FAT3: variants seen among roughly 807,000 people sequenced by gnomAD.
FAT3 encodes the protein protocadherin Fat 3.
A neutral mutation model predicts 310.2 loss-of-function variants in FAT3; 95 were observed. The ratio of observed to expected loss-of-function variants is 0.31; its 90% CI spans 0.26 to 0.36. FAT3 has a LOEUF of 0.36. Ranked by LOEUF, FAT3 falls within the 10% of genes least tolerant of loss-of-function variation. The pLI, the probability that FAT3 is intolerant of heterozygous loss-of-function variation, is 1.00. For missense variants in FAT3, 5,408 were observed against 5,715.6 expected, an observed-to-expected ratio of 0.95 and a Z score of 1.74; for synonymous variants, 2,314 against 2,192.9, an observed-to-expected ratio of 1.06 and a Z score of -1.54.
At chr11:92,885,323 T>A (rs1222006451) in intron 24 of FAT3, among the ~76,000 whole-genome samples, 1 of 152,078 alleles carries the variant, frequency 6.6e-6, no homozygotes, top group African/African-American at 2.4e-5. Flanking sequence ...AGGAAAAAAC[T>A]CCCTTCAATG....
intron 1 of FAT3, among the ~76,000 whole-genome samples, chr11:92,325,738 T>C (rs1221824861): frequency 1.3e-5 from 2 of 152,276 alleles, no homozygotes; most frequent in East Asian, 1.9e-4. Flanking sequence ...TTCAATTGAT[T>C]CTCCTGCCTC....
intron 3 of FAT3, among the ~76,000 whole-genome samples, chr11:92,601,626 C>G (rs771875935): frequency 2.0e-5 from 3 of 151,788 alleles, no homozygotes; most frequent in Admixed American, 1.3e-4. Context: ...ACAAGGCATG[C>G]GTGTGGTAGG....
At chr11:92,787,306 TA>T (rs377666178) in intron 7 of FAT3, among the ~76,000 whole-genome samples, 23 of 152,266 alleles carry the variant, frequency 1.5e-4, no homozygotes, top group African/African-American at 5.3e-4. Flanking sequence ...GAATAGAGTG[TA>T]GGGGGAAGGT....
chr11:92,504,332 A>G (rs1399803887), intron 2 of FAT3, among the ~76,000 whole-genome samples: 3 of 152,196 alleles, frequency 2.0e-5, no homozygotes, highest in Admixed American at 1.3e-4. Flanking sequence ...AGCTACTACT[A>G]TGCCTGTTTG....
At position 92,617,673 on chromosome 11, in the gene FAT3, C is replaced by T. The variant is rs148614888; in HGVS notation, c.3608-79711C>T. ...ACAGATGGGGTTTTGGTGTGGATGT[C>T]CTTTCTGTTTGTTAGTTTTCCTTCT... On this transcript the variant is annotated intron_variant, in intron 3 of 27. Coordinates refer to ENST00000525166, the MANE Select transcript of FAT3 (RefSeq NM_001367949.2). Among the ~76,000 whole-genome samples, 1,081 of 152,244 alleles carry T rather than the reference C, an allele frequency of 7.1e-3. 13 individuals are homozygous for T. The highest frequency in any genetic ancestry group is 0.025 in the African/African-American group (1,019 of 41,542).
At chr11:92,545,323 G>C (rs1954581282) in intron 3 of FAT3, among the ~76,000 whole-genome samples, 1 of 152,028 alleles carries the variant, frequency 6.6e-6, no homozygotes, top group African/African-American at 2.4e-5. Flanking sequence ...TATCTAACAA[G>C]GTATATATGT....
chr11:92,564,922 C>A (rs936926060), intron 3 of FAT3, among the ~76,000 whole-genome samples: 1 of 141,778 alleles, frequency 7.1e-6, no homozygotes, highest in African/African-American at 2.5e-5. Flanking sequence ...TAAATGCCCA[C>A]AAGAGAAAGC....
intron 2 of FAT3, among the ~76,000 whole-genome samples, chr11:92,470,595 A>G (rs929408348): frequency 6.6e-6 from 1 of 152,210 alleles, no homozygotes; most frequent in African/African-American, 2.4e-5. Flanking sequence ...GCCCTGCTGT[A>G]CATGGAACTC....
chr11:92,877,209 TCCCAAAAACTCGGGGGACTGAATC>T (rs1949552544), intron 22 of FAT3, among the ~76,000 whole-genome samples: 1 of 152,022 alleles, frequency 6.6e-6, no homozygotes, highest in South Asian at 2.1e-4. Flanking sequence ...GGGACCGAAT[TCCCAAAAACTCGGGGGACTGAATC>T]CCCAAAAACT....
At chr11:92,542,943 A>G (rs904631443) in intron 3 of FAT3, among the ~76,000 whole-genome samples, 1 of 152,084 alleles carries the variant, frequency 6.6e-6, no homozygotes, top group Admixed American at 6.6e-5. Context: ...ATCCGTGGGT[A>G]AATAGGTAAA....
intron 3 of FAT3, among the ~76,000 whole-genome samples, chr11:92,635,503 T>A (rs1941733643): frequency 2.0e-5 from 3 of 152,218 alleles, no homozygotes; most frequent in African/African-American, 4.8e-5. Flanking sequence ...GATGAGTTCT[T>A]ACGCATTATG....
chr11:92,802,077 T>C (rs1947376119), intron 10 of FAT3, among the ~76,000 whole-genome samples, 168 bp downstream of exon 10: 2 of 152,170 alleles, frequency 1.3e-5, no homozygotes, highest in Non-Finnish European at 2.9e-5. Context: ...TTTTTGCTTG[T>C]TGGCTGTTGC....
rs191188034 is a variant in FAT3 at position 92,431,465 on chromosome 11, T to A, written c.3292+76061T>A. Among the ~76,000 whole-genome samples the A allele has an allele frequency of 7.9e-3, 1,196 of 152,340 alleles. 22 individuals carry two copies. The highest frequency in any genetic ancestry group is 0.028 in the African/African-American group (1,146 of 41,558). ...ATTTTCTCCTATTCTGTAGGTTGCC[T>A]GTTCACTCTGATGGTAGTTTCTTTT... On this transcript the variant is annotated intron_variant, in intron 2 of 27. Transcript: ENST00000525166.
intron 3 of FAT3, among the ~76,000 whole-genome samples, chr11:92,538,567 G>A (rs889386133): frequency 1.3e-5 from 2 of 152,028 alleles, no homozygotes; most frequent in African/African-American, 2.4e-5. Context: ...CTTGAAAATC[G>A]ATGAATAATC....
rs528893978 is a variant in FAT3, at chr11:92,481,350, T to G, written c.3293-43284T>G. On this transcript the variant is annotated intron_variant, in intron 2 of 27. Coordinates refer to ENST00000525166, the MANE Select transcript of FAT3 (RefSeq NM_001367949.2). Reference sequence around the variant, plus strand: ...TAGTGATATTTCTAGCTTTGCATTATTCCCAAAATCAAATTCCAAAGCTTT... The same window carrying G: ...TAGTGATATTTCTAGCTTTGCATTAGTCCCAAAATCAAATTCCAAAGCTTT... 1.3e-3 allele frequency among the ~76,000 whole-genome samples: 191 copies of G among 152,260 alleles called. 1 individual carries two copies. Among genetic ancestry groups the G allele is most frequent in the African/African-American group, 4.2e-3 (175 of 41,560 alleles).
chr11:92,283,192 A>G (rs1414581672), intron 1 of FAT3, among the ~76,000 whole-genome samples: 4 of 152,158 alleles, frequency 2.6e-5, no homozygotes, highest in South Asian at 4.1e-4. Flanking sequence ...TCCTTCCAGA[A>G]AAGGTCATAC....
chr11:92,313,181 C>T (rs1450997448), intron 1 of FAT3, among the ~76,000 whole-genome samples: 1 of 152,156 alleles, frequency 6.6e-6, no homozygotes, highest in Non-Finnish European at 1.5e-5. Context: ...TGTGTGATTT[C>T]CTCCCAGAGA....
chr11:92,226,347 G>T (rs953219998), intron 1 of FAT3, among the ~76,000 whole-genome samples: 7 of 151,818 alleles, frequency 4.6e-5, no homozygotes, highest in African/African-American at 1.7e-4. Context: ...CATTGAACAT[G>T]ATTGGGCTTT....
chr11:92,362,089 C>T (rs1006163854), intron 2 of FAT3, among the ~76,000 whole-genome samples: 1 of 152,174 alleles, frequency 6.6e-6, no homozygotes, highest in Non-Finnish European at 1.5e-5. Context: ...GAAAGACTCA[C>T]AGGCCCGTGC....
Sources: gnomAD v4.1 joint callset for allele counts (sites outside exome capture counted in the v4.1 genomes callset) on GRCh38, gnomAD v4.1.1 for gene constraint, MANE v1.5 for transcripts, NCBI Gene and HGNC (gene_info 2026-07-23, HGNC 2026-07-21) for gene names.